The following KCNC1 variants were observed in gnomAD, a reference collection of about 807,000 sequenced individuals.
The protein encoded by KCNC1 is voltage-gated potassium channel KCNC1.
A neutral mutation model predicts 43.4 loss-of-function variants in KCNC1; 8 were observed. The ratio of observed to expected loss-of-function variants is 0.18; its 90% CI spans 0.11 to 0.33. KCNC1 has a LOEUF of 0.33. Among genes scored for constraint, KCNC1 ranks in the 10% least tolerant of loss-of-function variants. KCNC1 has a pLI of 1.00. For synonymous variants in KCNC1, 361 were observed against 360.5 expected (o/e 1.00, Z -0.01); for missense variants, 420 against 836.0 (o/e 0.50, Z 6.14).
In KCNC1 at chr11:17,735,927, T is replaced by C; in HGVS notation, c.-76T>C. ...GGGGGGAAGAGGGCGCGCGCCCCCC[T>C]CCCCGGCGCCAACTCCCCCTGGCGG... On this transcript the variant is annotated 5_prime_UTR_variant, in exon 1 of 4. Coordinates refer to ENST00000265969, the MANE Select transcript of KCNC1 (RefSeq NM_001112741.2). This position sits in a 1 kb window ranked among gnomAD's most constrained non-coding sequence, Gnocchi z 6.7. The C allele has an allele frequency of 7.3e-7, 1 of 1,374,578 alleles. No individual in the cohort carries two copies. Among genetic ancestry groups the C allele is most frequent in the Non-Finnish European group, 9.3e-7 (1 of 1,071,814 alleles). 85.1% of individuals were successfully genotyped at this position (1,374,578 alleles called of 1,614,324 possible). A position where few individuals can be genotyped will look rare whatever the true frequency, so the allele number is the denominator to read the frequency against.
chr11:17,749,692 G>A (rs770395155), intron 1 of KCNC1, among the ~76,000 whole-genome samples: 1 of 152,212 alleles, frequency 6.6e-6, no homozygotes, highest in Non-Finnish European at 1.5e-5. Flanking sequence ...AGGGGAGAGG[G>A]CTGGGCCCTG....
intron 1 of KCNC1, among the ~76,000 whole-genome samples, chr11:17,770,398 G>C (rs911587387): frequency 6.6e-6 from 1 of 152,234 alleles, no homozygotes; most frequent in African/African-American, 2.4e-5. Flanking sequence ...GTGACTATCT[G>C]GGCCCCTGAG....
At chr11:17,743,839 T>C (rs1432056790) in intron 1 of KCNC1, among the ~76,000 whole-genome samples, 3 of 152,164 alleles carry the variant, frequency 2.0e-5, no homozygotes, top group Admixed American at 2.0e-4. Context: ...AATCCATCCC[T>C]TAAGGTTCCT....
In KCNC1 at chr11:17,773,597, C is replaced by T. The variant is rs144458914; in HGVS notation, c.1504+999C>T. On this transcript the variant is annotated intron_variant, in intron 2 of 3. Transcript: ENST00000265969. The surrounding 1 kb of genome is among the most constrained non-coding windows in gnomAD (Gnocchi z 4.1). ...GGGGGCATGAAACAATACTAGTCACCGTGGGATATATTCTAATATTCCATG... is the reference window on the plus strand; with the variant it reads ...GGGGGCATGAAACAATACTAGTCACTGTGGGATATATTCTAATATTCCATG... 3.5e-4 allele frequency: 341 copies of T among 985,344 alleles called. 7 individuals are homozygous for T. In the East Asian group the frequency reaches 0.032, roughly 94 times the overall value. The allele number at this position is 985,344 out of a possible 1,614,324, so 61.0% of individuals were successfully genotyped here.
chr11:17,779,667 C>T lies in KCNC1; in HGVS notation c.1693+23C>T. On this transcript the variant is annotated intron_variant, in intron 3 of 3. Transcript: ENST00000265969. This position sits in a 1 kb window ranked among gnomAD's most constrained non-coding sequence, Gnocchi z 7.2. ...AGGGTATGTAGAGGAAGCTGGAGCACCGTGCATCGTCCGGGCCGCCTCGCG... is the reference window on the plus strand; with the variant it reads ...AGGGTATGTAGAGGAAGCTGGAGCATCGTGCATCGTCCGGGCCGCCTCGCG... The T allele has an allele frequency of 6.7e-7, 1 of 1,488,882 alleles. No individual in the cohort carries two copies. The highest frequency in any genetic ancestry group is 9.0e-7 in the Non-Finnish European group (1 of 1,113,460). The allele number at this position is 1,488,882 out of a possible 1,614,324, so 92.2% of individuals were successfully genotyped here. A position where few individuals can be genotyped will look rare whatever the true frequency, so the allele number is the denominator to read the frequency against.
At chr11:17,748,420 G>A (rs994661644) in intron 1 of KCNC1, among the ~76,000 whole-genome samples, 5 of 152,214 alleles carry the variant, frequency 3.3e-5, no homozygotes, top group Non-Finnish European at 7.4e-5. Context: ...CAGAAAGATG[G>A]AGGAATGTAC....
At position 17,772,464 on chromosome 11, in the gene KCNC1, A is replaced by T; in HGVS notation, c.1370A>T (p.Lys457Met). ...MAKQKLPKKK[K>M]KHIPRPPQLG... ...AAGCAGAAACTACCAAAGAAAAAAA[A>T]GAAGCATATTCCGCGGCCACCGCAG... Residue 457 changes from lysine to methionine, a missense_variant, in exon 2 of 4, where the codon AAG becomes ATG. By Grantham distance (95) the Lys-to-Met change is moderately conservative. Around this residue, in one of 5 missense-constraint regions of KCNC1, gnomAD observed 147 missense variants for 176.1 expected, o/e 0.83. Coordinates refer to ENST00000265969, the MANE Select transcript of KCNC1 (RefSeq NM_001112741.2). 1 of 1,614,196 alleles carries T rather than the reference A, an allele frequency of 6.2e-7. No homozygotes were observed. Among genetic ancestry groups the T allele is most frequent in the Non-Finnish European group, 8.5e-7 (1 of 1,180,048 alleles).
intron 2 of KCNC1, chr11:17,775,281 T>TACC: frequency 1.1e-6 from 1 of 935,848 alleles, no homozygotes; most frequent in Non-Finnish European, 1.3e-6. Flanking sequence ...TCTGAGGGCA[T>TACC]CCCTCCCGCC....
intron 1 of KCNC1, among the ~76,000 whole-genome samples, chr11:17,767,119 G>A (rs370457938): frequency 1.6e-3 from 220 of 135,820 alleles, no homozygotes; most frequent in African/African-American, 5.5e-3. Flanking sequence ...GCAACAGAAC[G>A]AGACTCTGTC....
Position 17,778,039 on chromosome 11 carries a change from G to A in KCNC1, c.1505-1417G>A, listed in dbSNP as rs141453888. On this transcript the variant is annotated intron_variant, in intron 2 of 3. Coordinates refer to ENST00000265969, the MANE Select transcript of KCNC1 (RefSeq NM_001112741.2). ...TCAGAGAGCCTCCCCTGACGTGGTC[G>A]TGCCCAAGTTGGTTTCCCTCTTCCA... Among the ~76,000 whole-genome samples, 364 of 152,262 alleles carry A rather than the reference G, an allele frequency of 2.4e-3. 3 individuals are homozygous for A. Among genetic ancestry groups the A allele is most frequent in the African/African-American group, 8.2e-3 (341 of 41,542 alleles).
Position 17,771,681 on chromosome 11 carries a change from C to T in KCNC1, c.587C>T (p.Ser196Phe), listed in dbSNP as rs1849231061. 1 of 1,609,246 alleles carries T rather than the reference C, an allele frequency of 6.2e-7. No individual in the cohort carries two copies. The change falls in exon 2 of 4, where the codon TCC (serine) becomes TTC (phenylalanine). Residue 196 changes from serine to phenylalanine, a missense_variant. This residue lies in a region of KCNC1 where 151 missense variants were observed against 216.7 expected (regional missense o/e 0.70). Coordinates refer to ENST00000265969, the MANE Select transcript of KCNC1 (RefSeq NM_001112741.2). This position sits in a 1 kb window ranked among gnomAD's most constrained non-coding sequence, Gnocchi z 4.7. ...TCCCCACAGTATGTGGCCTTCGCTT[C>T]CCTCTTCTTCATCCTGGTCTCCATC... ...SRYARYVAFA[S>F]LFFILVSITT...
chr11:17,765,952 C>A (rs117040103), intron 1 of KCNC1: 3,534 of 152,800 alleles, frequency 0.023, 59 homozygotes, highest in Non-Finnish European at 0.032. Context: ...GTCGGGTAAT[C>A]CGGGAGATGG....
chr11:17,754,275 T>C (rs1848999821), intron 1 of KCNC1, among the ~76,000 whole-genome samples: 1 of 152,200 alleles, frequency 6.6e-6, no homozygotes, highest in South Asian at 2.1e-4. Context: ...AATGAGAGCA[T>C]AGCTGAAAGA....
Position 17,773,188 on chromosome 11 carries a change from G to A in KCNC1, c.1504+590G>A. ...CCTGATTTCGGGCTGCCCAGCTCGA[G>A]GTCCTTCCCAGGAGACGCCTGTAGC... is the stretch of plus-strand genomic sequence containing the variant. On this transcript the variant is annotated intron_variant, in intron 2 of 3. Coordinates refer to ENST00000265969, the MANE Select transcript of KCNC1 (RefSeq NM_001112741.2). This position sits in a 1 kb window ranked among gnomAD's most constrained non-coding sequence, Gnocchi z 4.1. The A allele has an allele frequency of 1.0e-6, 1 of 986,572 alleles. No homozygotes were observed. The highest frequency in any genetic ancestry group is 1.2e-6 in the Non-Finnish European group (1 of 830,834). The allele number at this position is 986,572 out of a possible 1,614,324, so 61.1% of individuals were successfully genotyped here.
chr11:17,775,701 G>A, intron 2 of KCNC1: 1 of 985,760 alleles, frequency 1.0e-6, no homozygotes, highest in Non-Finnish European at 1.2e-6. Context: ...CTCCTGTGAT[G>A]TGGGTCAGTC....
intron 2 of KCNC1, among the ~76,000 whole-genome samples, chr11:17,778,810 C>T (rs1849314581): frequency 6.8e-6 from 1 of 147,328 alleles, no homozygotes; most frequent in South Asian, 2.2e-4. Context: ...TACAGAGTGA[C>T]CCGCTTGGGT....
chr11:17,742,983 C>T lies in KCNC1; in HGVS notation c.570+6411C>T, dbSNP rs1322572675. 1.3e-5 allele frequency among the ~76,000 whole-genome samples: 2 copies of T among 152,214 alleles called. No individual in the cohort carries two copies. Among genetic ancestry groups the T allele is most frequent in the African/African-American group, 4.8e-5 (2 of 41,458 alleles). ...ACGGCACAGCTGATTGAGACCTTCTCACGTCAGCCAACCCAGACTTGACCC... is the reference window on the plus strand; with the variant it reads ...ACGGCACAGCTGATTGAGACCTTCTTACGTCAGCCAACCCAGACTTGACCC... On this transcript the variant is annotated intron_variant, in intron 1 of 3. Coordinates refer to ENST00000265969, the MANE Select transcript of KCNC1 (RefSeq NM_001112741.2). This position sits in a 1 kb window ranked among gnomAD's most constrained non-coding sequence, Gnocchi z 4.2.
intron 2 of KCNC1, chr11:17,772,986 G>T: frequency 9.2e-7 from 1 of 1,086,028 alleles, no homozygotes; most frequent in South Asian, 3.5e-5. Flanking sequence ...AGTGGGGGCG[G>T]GTGTGATTTG....
At chr11:17,758,510 G>A (rs2133793510) in intron 1 of KCNC1, among the ~76,000 whole-genome samples, 1 of 152,330 alleles carries the variant, frequency 6.6e-6, no homozygotes, top group South Asian at 2.1e-4. Context: ...AGATTGATCA[G>A]AGGAATCAGT....
Sources: gnomAD v4.1 joint callset for allele counts (sites outside exome capture counted in the v4.1 genomes callset) on GRCh38, gnomAD v4.1.1 for gene constraint, gnomAD v4.1.1 regional missense constraint, Gnocchi (gnomAD v3.1) non-coding constraint, MANE v1.5 for transcripts, NCBI Gene and HGNC (gene_info 2026-07-23, HGNC 2026-07-21) for gene names.